The following RBM25 variants were observed in gnomAD, a reference collection of about 807,000 sequenced individuals.
RBM25 encodes the protein RNA binding motif protein 25.
Under a neutral mutation model 120.7 loss-of-function variants are expected in RBM25, and 19 were observed. The ratio of observed to expected loss-of-function variants is 0.16; its 90% CI spans 0.11 to 0.23. The LOEUF is 0.23. Ranked by LOEUF, RBM25 falls within the 10% of genes least tolerant of loss-of-function variation. The pLI, the probability that RBM25 is intolerant of heterozygous loss-of-function variation, is 1.00. For missense variants in RBM25, 605 were observed against 1,041.5 expected, an observed-to-expected ratio of 0.58 and a Z score of 5.77; for synonymous variants, 390 against 326.7, an observed-to-expected ratio of 1.19 and a Z score of -2.09.
rs1259084671 is a variant in RBM25, at chr14:73,064,837, A to G, written c.-16+6132A>G. ...TATGTTATGGAAAAATTTGAAGTGA[A>G]TGGAATGGGTATATTGGCATAAACG... On this transcript the variant is annotated intron_variant, in intron 1 of 18. Transcript: ENST00000261973. The G allele has an allele frequency of 1.3e-5, 2 of 151,476 alleles. 1 individual carries two copies. The highest frequency in any genetic ancestry group is 3.0e-5 in the Non-Finnish European group (2 of 67,596). 9.4% of individuals were successfully genotyped at this position (151,476 alleles called of 1,614,324 possible).
chr14:73,079,693 C>T (rs2140433875), intron 4 of RBM25, among the ~76,000 whole-genome samples: 1 of 150,838 alleles, frequency 6.6e-6, no homozygotes, highest in South Asian at 2.1e-4. Flanking sequence ...TGTTCCTCAA[C>T]TATTCATATT....
chr14:73,071,768 T>A, intron 2 of RBM25, 21 bp downstream of exon 2: 1 of 1,561,368 alleles, frequency 6.4e-7, no homozygotes, highest in Non-Finnish European at 8.8e-7. Context: ...TGATACTGTT[T>A]TTTGTCGTTA....
intron 7 of RBM25, among the ~76,000 whole-genome samples, 192 bp downstream of exon 7, chr14:73,097,292 C>T (rs1478862002): frequency 6.8e-6 from 1 of 147,636 alleles, no homozygotes; most frequent in Non-Finnish European, 1.5e-5. Context: ...CCTCCGCCTC[C>T]GGGGTTCGAG....
At chr14:73,108,605 G>C (rs999993227) in intron 13 of RBM25, among the ~76,000 whole-genome samples, 1 of 152,138 alleles carries the variant, frequency 6.6e-6, no homozygotes, top group East Asian at 1.9e-4. Flanking sequence ...CATCCAAACT[G>C]TAAGTTCCCT....
chr14:73,066,593 GT>G (rs1431483307), intron 1 of RBM25, among the ~76,000 whole-genome samples: 1 of 147,676 alleles, frequency 6.8e-6, no homozygotes, highest in Non-Finnish European at 1.5e-5. Flanking sequence ...GGAGGTTTCA[GT>G]GAGCTGAGAT....
intron 2 of RBM25, among the ~76,000 whole-genome samples, chr14:73,072,323 CAA>C (rs1015885569): frequency 6.8e-6 from 1 of 146,246 alleles, no homozygotes; most frequent in Non-Finnish European, 1.5e-5. Context: ...TGTTCAAAAA[CAA>C]AAAAAAAATA....
At chr14:73,084,769 C>G (rs1280407700) in intron 5 of RBM25, among the ~76,000 whole-genome samples, 1 of 151,418 alleles carries the variant, frequency 6.6e-6, no homozygotes, top group Non-Finnish European at 1.5e-5. Context: ...TCAGGCTGCT[C>G]CTGAGCTGCT....
chr14:73,071,070 C>T (rs1369225694), intron 1 of RBM25, among the ~76,000 whole-genome samples: 3 of 151,322 alleles, frequency 2.0e-5, no homozygotes, highest in African/African-American at 4.9e-5. Flanking sequence ...GGTGAAACCC[C>T]GTCTCTACTG....
chr14:73,058,579 G>GT lies in RBM25; in HGVS notation c.-141dup, dbSNP rs1248619089. ...CGCAGCGCGGCTGTATTTGCGGCCTGTGCGAGTAGGCGCTTGGGCACTCAG... is the reference window on the plus strand; with the variant it reads ...CGCAGCGCGGCTGTATTTGCGGCCTGTTGCGAGTAGGCGCTTGGGCACTCAG... On this transcript the variant is annotated 5_prime_UTR_variant, in exon 1 of 19. Coordinates refer to ENST00000261973, the MANE Select transcript of RBM25 (RefSeq NM_021239.3). 1.3e-5 allele frequency: 2 copies of GT among 152,206 alleles called. No individual in the cohort carries two copies. Among genetic ancestry groups the GT allele is most frequent in the Non-Finnish European group, 2.9e-5 (2 of 68,048 alleles). 9.4% of individuals were successfully genotyped at this position (152,206 alleles called of 1,614,324 possible).
At chr14:73,099,255 T>C (rs762313946) in intron 7 of RBM25, 125 bp from the exon 8 acceptor site, 2 of 820,266 alleles carry the variant, frequency 2.4e-6, no homozygotes, top group Non-Finnish European at 3.7e-6. Flanking sequence ...TAATTTGAAA[T>C]CAAGAAAGCA....
chr14:73,111,191 C>T (rs768544559), intron 15 of RBM25, 36 bp downstream of exon 15: 1 of 1,516,874 alleles, frequency 6.6e-7, no homozygotes, highest in African/African-American at 1.4e-5. Context: ...TATTTTCTTC[C>T]CTTCACCCCT....
chr14:73,100,578 A>T, intron 9 of RBM25: 1 of 342,118 alleles, frequency 2.9e-6, no homozygotes, highest in East Asian at 4.4e-5. Flanking sequence ...ACTGCATGAA[A>T]TGTATTTTGA....
intron 5 of RBM25, among the ~76,000 whole-genome samples, chr14:73,084,255 A>G (rs1895633239): frequency 6.6e-6 from 1 of 152,102 alleles, no homozygotes; most frequent in Non-Finnish European, 1.5e-5. Context: ...AAGTCCACAC[A>G]TTGCAACTAG....
At chr14:73,080,648 T>C (rs1007307192) in intron 4 of RBM25, among the ~76,000 whole-genome samples, 12 of 152,288 alleles carry the variant, frequency 7.9e-5, no homozygotes, top group Middle Eastern at 3.4e-3. Flanking sequence ...TCTGTTGACA[T>C]GTTATGGTAG....
chr14:73,107,732 G>A lies in RBM25; in HGVS notation c.1468-94G>A, dbSNP rs117765255. On this transcript the variant is annotated intron_variant, in intron 12 of 18. Coordinates refer to ENST00000261973, the MANE Select transcript of RBM25 (RefSeq NM_021239.3). ...AGTCTCCCTCTTACTCTTGGTTTAT[G>A]TCTGGGTCAGAAAAATCTGTTTACA... is the stretch of plus-strand genomic sequence containing the variant. 6.1e-3 allele frequency: 5,490 copies of A among 893,788 alleles called. 24 individuals are homozygous for A. Among genetic ancestry groups the A allele is most frequent in the Non-Finnish European group, 8.5e-3 (4,748 of 557,308 alleles). The allele number at this position is 893,788 out of a possible 1,614,324, so 55.4% of individuals were successfully genotyped here. A position where few individuals can be genotyped will look rare whatever the true frequency, so the allele number is the denominator to read the frequency against.
chr14:73,115,269 C>A (rs1047943188), intron 18 of RBM25, among the ~76,000 whole-genome samples: 4 of 151,974 alleles, frequency 2.6e-5, no homozygotes, highest in African/African-American at 9.7e-5. Flanking sequence ...TATTTCATCA[C>A]CCAGGTGTTA....
At chr14:73,090,187 AT>A (rs1391265559) in intron 6 of RBM25, among the ~76,000 whole-genome samples, 1 of 151,798 alleles carries the variant, frequency 6.6e-6, no homozygotes, top group Admixed American at 6.6e-5. Context: ...AGTAGCTGAG[AT>A]TTTAGGCACC....
chr14:73,117,976 C>T (rs984099317), intron 18 of RBM25, among the ~76,000 whole-genome samples: 1 of 152,094 alleles, frequency 6.6e-6, no homozygotes, highest in Non-Finnish European at 1.5e-5. Flanking sequence ...GTGATGGGGA[C>T]ACAAGGACCC....
Position 73,122,355 on chromosome 14 carries a change from A to T in RBM25, c.*2550A>T, listed in dbSNP as rs759960123. 4 of 150,814 alleles carry T rather than the reference A, an allele frequency of 2.7e-5. No individual in the cohort carries two copies. The highest frequency in any genetic ancestry group is 5.9e-5 in the Non-Finnish European group (4 of 67,852). 9.3% of individuals were successfully genotyped at this position (150,814 alleles called of 1,614,324 possible). ...CAATGGCGCGAGCTCAGCTCACTTC[A>T]ACTTCCGCCTCCCGGGTTCTGGAGA... On this transcript the variant is annotated 3_prime_UTR_variant, in exon 19 of 19. Coordinates refer to ENST00000261973, the MANE Select transcript of RBM25 (RefSeq NM_021239.3).
Sources: allele counts gnomAD v4.1 joint callset (sites outside exome capture counted in the v4.1 genomes callset), GRCh38; gene constraint gnomAD v4.1.1; transcripts MANE v1.5; gene names NCBI Gene and HGNC (gene_info 2026-07-23, HGNC 2026-07-21).